Variants in BICC1 observed in about 807,000 individuals in gnomAD.
BICC1 encodes the protein BicC family RNA binding protein 1.
A neutral mutation model predicts 111.0 loss-of-function variants in BICC1; 43 were observed. The ratio of observed to expected loss-of-function variants is 0.39; its 90% CI spans 0.30 to 0.50. The LOEUF (loss-of-function observed/expected upper bound fraction) is 0.50. Ranked by LOEUF, BICC1 falls within the 20% of genes least tolerant of loss-of-function variation. The pLI, the probability that BICC1 is intolerant of heterozygous loss-of-function variation, is 0.88. For missense variants in BICC1, 1,091 were observed against 1,203.2 expected (o/e 0.91, Z 1.38); for synonymous variants, 467 against 434.4 (o/e 1.07, Z -0.93).
intron 3 of BICC1, chr10:58,715,885 T>G (rs970864318): frequency 3.3e-6 from 4 of 1,220,630 alleles, no homozygotes; most frequent in African/African-American, 1.5e-5. Flanking sequence ...TTCATCAAGC[T>G]CTGATTCTTC....
At chr10:58,598,751 C>G (rs543948314) in intron 1 of BICC1, among the ~76,000 whole-genome samples, 2 of 152,178 alleles carry the variant, frequency 1.3e-5, no homozygotes, top group African/African-American at 2.4e-5. Context: ...TTTTTACACT[C>G]TATGCATTGA....
chr10:58,827,930 G>A (rs115547856), intron 20 of BICC1, among the ~76,000 whole-genome samples: 1,792 of 152,112 alleles, frequency 0.012, 15 homozygotes, highest in African/African-American at 0.025. Context: ...AAGACAACAG[G>A]GATGAAGACT....
intron 17 of BICC1, among the ~76,000 whole-genome samples, chr10:58,808,717 ATTT>A (rs34786742): frequency 6.9e-6 from 1 of 145,172 alleles, no homozygotes. Context: ...TTTAAAAAAA[ATTT>A]TTTTTTTTTT....
At chr10:58,677,917 C>G (rs1293791226) in intron 2 of BICC1, among the ~76,000 whole-genome samples, 1 of 152,096 alleles carries the variant, frequency 6.6e-6, no homozygotes, top group African/African-American at 2.4e-5. Flanking sequence ...AATTTTCAAC[C>G]CAGAATTTCG....
chr10:58,567,288 A>G (rs989570565), intron 1 of BICC1, among the ~76,000 whole-genome samples: 2 of 152,166 alleles, frequency 1.3e-5, no homozygotes, highest in African/African-American at 4.8e-5. Context: ...GTTTTAGTGT[A>G]CATGTCATTA....
At chr10:58,581,965 C>T (rs1245864194) in intron 1 of BICC1, among the ~76,000 whole-genome samples, 1 of 152,134 alleles carries the variant, frequency 6.6e-6, no homozygotes, top group Non-Finnish European at 1.5e-5. Context: ...TCTCCCACCA[C>T]CCCAAGGTCA....
chr10:58,733,114 A>G (rs865833391), intron 3 of BICC1, among the ~76,000 whole-genome samples: 2 of 152,198 alleles, frequency 1.3e-5, no homozygotes, highest in East Asian at 1.9e-4. Context: ...AATATTTATC[A>G]CTGTTACTGT....
chr10:58,781,566 A>AT (rs1842884931), intron 3 of BICC1, among the ~76,000 whole-genome samples: 2 of 152,054 alleles, frequency 1.3e-5, no homozygotes, highest in East Asian at 1.9e-4. Flanking sequence ...CTTATTTCCT[A>AT]TTTTTCTGTT....
At position 58,600,788 on chromosome 10, in the gene BICC1, T is replaced by C. The variant is rs547499784; in HGVS notation, c.191-20067T>C. 6.0e-4 allele frequency among the ~76,000 whole-genome samples: 91 copies of C among 152,222 alleles called. 3 individuals carry two copies. In the South Asian group the frequency reaches 0.014, roughly 23 times the overall value. ...CCACTTCCACTTAATGAATAGTAAA[T>C]GTGATTTTCTAATAATATTTTCTCT... On this transcript the variant is annotated intron_variant, in intron 1 of 20. Coordinates refer to ENST00000373886, the MANE Select transcript of BICC1 (RefSeq NM_001080512.3).
intron 3 of BICC1, among the ~76,000 whole-genome samples, chr10:58,735,344 A>G (rs1316682357): frequency 6.6e-6 from 1 of 152,134 alleles, no homozygotes; most frequent in African/African-American, 2.4e-5. Flanking sequence ...AGTAAAGGAC[A>G]CCTTCCACTG....
chr10:58,622,534 A>G (rs1384877294), intron 2 of BICC1, among the ~76,000 whole-genome samples: 1 of 152,228 alleles, frequency 6.6e-6, no homozygotes, highest in Admixed American at 6.5e-5. Context: ...CATAGATTCT[A>G]TTCTTGGTCA....
At chr10:58,588,398 C>A (rs1844496598) in intron 1 of BICC1, among the ~76,000 whole-genome samples, 1 of 152,040 alleles carries the variant, frequency 6.6e-6, no homozygotes, top group African/African-American at 2.4e-5. Context: ...TATTTGGGGT[C>A]CTCATATGCA....
chr10:58,826,683 C>T (rs781397498), intron 20 of BICC1, among the ~76,000 whole-genome samples: 22 of 138,398 alleles, frequency 1.6e-4, no homozygotes, highest in Admixed American at 6.7e-4. Flanking sequence ...GACATGAACC[C>T]GGGAAGCGGA....
chr10:58,591,050 A>C (rs1333985510), intron 1 of BICC1, among the ~76,000 whole-genome samples: 5 of 152,154 alleles, frequency 3.3e-5, no homozygotes, highest in African/African-American at 1.2e-4. Flanking sequence ...AGTTTGGGAA[A>C]TAGACCTTCA....
chr10:58,736,229 T>C (rs7087893), intron 3 of BICC1, among the ~76,000 whole-genome samples: 151,852 of 152,280 alleles, frequency 1, 75,713 homozygotes, highest in Middle Eastern at 1. Flanking sequence ...CTGCATATTA[T>C]CATTATATTA....
At chr10:58,777,614 AAG>A (rs1178212134) in intron 3 of BICC1, among the ~76,000 whole-genome samples, 5 of 152,168 alleles carry the variant, frequency 3.3e-5, no homozygotes, top group Non-Finnish European at 7.3e-5. Context: ...ATCATTGCCA[AAG>A]AGAGCTGAAA....
intron 20 of BICC1, 143 bp downstream of exon 20, chr10:58,820,611 A>G: frequency 1.7e-6 from 1 of 602,974 alleles, no homozygotes. Flanking sequence ...TCCTGTCAAC[A>G]GTGTGACAGA....
At chr10:58,821,296 G>A (rs1055049079) in intron 20 of BICC1, among the ~76,000 whole-genome samples, 3 of 152,114 alleles carry the variant, frequency 2.0e-5, no homozygotes, top group African/African-American at 7.2e-5. Context: ...CACACCAGGG[G>A]CAGAAGCCAA....
chr10:58,698,147 A>G (rs1351702049), intron 2 of BICC1, among the ~76,000 whole-genome samples: 2 of 152,156 alleles, frequency 1.3e-5, no homozygotes, highest in African/African-American at 2.4e-5. Flanking sequence ...ACTGGCCAGA[A>G]TTTATTTGTA....
Sources: allele counts gnomAD v4.1 joint callset (sites outside exome capture counted in the v4.1 genomes callset), GRCh38; gene constraint gnomAD v4.1.1; transcripts MANE v1.5; gene names NCBI Gene and HGNC (gene_info 2026-07-23, HGNC 2026-07-21).